Variants in ADARB2 observed in about 807,000 individuals in gnomAD.
The protein encoded by ADARB2 is adenosine deaminase RNA specific B2 (inactive), also known as inactive double-stranded RNA-specific editase B2.
A neutral mutation model predicts 62.2 loss-of-function variants in ADARB2; 25 were observed. The ratio of observed to expected loss-of-function variants is 0.40; its 90% CI spans 0.29 to 0.56. The LOEUF (loss-of-function observed/expected upper bound fraction) is 0.56. Among genes scored for constraint, ADARB2 ranks in the 20% least tolerant of loss-of-function variants. The pLI is 0.43. For missense variants in ADARB2, 1,071 were observed against 1,077.4 expected, an observed-to-expected ratio of 0.99 and a Z score of 0.08; for synonymous variants, 572 against 500.8, an observed-to-expected ratio of 1.14 and a Z score of -1.90.
At chr10:1,567,339 G>GCTC (rs1339632287) in intron 1 of ADARB2, among the ~76,000 whole-genome samples, 1 of 152,226 alleles carries the variant, frequency 6.6e-6, no homozygotes, top group Admixed American at 6.5e-5. Flanking sequence ...CGTGCTTTGA[G>GCTC]CTCGCAGGCG....
At chr10:1,327,462 C>T (rs1212720644) in intron 3 of ADARB2, among the ~76,000 whole-genome samples, 1 of 91,950 alleles carries the variant, frequency 1.1e-5, no homozygotes, top group Non-Finnish European at 2.3e-5. Context: ...CCAGCGCCTC[C>T]TCACTGCACA....
In ADARB2 at chr10:1,299,296, C is replaced by T. The variant is rs114459406; in HGVS notation, c.1078-28227G>A. Among the ~76,000 whole-genome samples the T allele has an allele frequency of 8.5e-3, 1,291 of 152,004 alleles. 7 individuals are homozygous for T. Among genetic ancestry groups the T allele is most frequent in the Non-Finnish European group, 0.011 (769 of 67,984 alleles). On this transcript the variant is annotated intron_variant, in intron 3 of 9. Coordinates refer to ENST00000381312, the MANE Select transcript of ADARB2 (RefSeq NM_018702.4). Reference sequence around the variant, plus strand: ...AGCCAGGAAGTGCAGAACCAGTGTGCGTAGAGTGTGAGGGGCACCTGCCTC... The same window carrying T: ...AGCCAGGAAGTGCAGAACCAGTGTGTGTAGAGTGTGAGGGGCACCTGCCTC...
chr10:1,716,874 G>A (rs941352051), intron 1 of ADARB2, among the ~76,000 whole-genome samples: 28 of 152,098 alleles, frequency 1.8e-4, no homozygotes, highest in Non-Finnish European at 7.4e-5. Context: ...CAAAATAACC[G>A]TAAAGTTTAC....
rs1239986685 is a variant in ADARB2, at chr10:1,560,570, G to A, written c.100+176481C>T. 1.2e-4 allele frequency among the ~76,000 whole-genome samples: 4 copies of A among 32,422 alleles called. 1 individual carries two copies. The highest frequency in any genetic ancestry group is 2.6e-4 in the African/African-American group (4 of 15,124). The allele number at this position is 32,422 out of a possible 152,430, so 21.3% of individuals were successfully genotyped here. A position where few individuals can be genotyped will look rare whatever the true frequency, so the allele number is the denominator to read the frequency against. On this transcript the variant is annotated intron_variant, in intron 1 of 9. Transcript: ENST00000381312. The stretch of plus-strand genomic sequence containing the variant: ...GGGCACCCTGGGTCGTCACACACGC[G>A]TGAACACACGGGGGGTGGGTTGGAT...
chr10:1,718,160 C>T (rs1280798804), intron 1 of ADARB2, among the ~76,000 whole-genome samples: 1 of 152,156 alleles, frequency 6.6e-6, no homozygotes, highest in Non-Finnish European at 1.5e-5. Context: ...GAAAACCTAA[C>T]ACACATCATA....
intron 3 of ADARB2, among the ~76,000 whole-genome samples, chr10:1,293,217 AGAGAGGGACGG>A: frequency 9.5e-6 from 1 of 105,610 alleles, no homozygotes; most frequent in Non-Finnish European, 1.9e-5. Flanking sequence ...GGAGGGAGGG[AGAGAGGGACGG>A]GGAGGGAGAG....
At chr10:1,584,241 A>C (rs1159976757) in intron 1 of ADARB2, among the ~76,000 whole-genome samples, 1 of 152,230 alleles carries the variant, frequency 6.6e-6, no homozygotes, top group Non-Finnish European at 1.5e-5. Context: ...TTAAAACTCA[A>C]CAATAGAAAA....
At chr10:1,216,878 T>A in intron 7 of ADARB2, 73 bp downstream of exon 7, 5 of 1,555,170 alleles carry the variant, frequency 3.2e-6, no homozygotes, top group Non-Finnish European at 4.3e-6. Context: ...AGAAGTGGGA[T>A]GCAGGGAGCC....
At chr10:1,270,204 T>C (rs1406493469) in intron 4 of ADARB2, among the ~76,000 whole-genome samples, 2 of 152,174 alleles carry the variant, frequency 1.3e-5, no homozygotes, top group African/African-American at 4.8e-5. Flanking sequence ...TTTTGTAACA[T>C]AAATATGTTT....
Position 1,363,599 on chromosome 10 carries a change from C to A in ADARB2, c.506G>T (p.Gly169Val). ...GGCCTTCTTCTTGGTGGGGCCTGTGCCCTCGAACGTGAGCCCGTTCACCTC... is the reference window on the plus strand; with the variant it reads ...GGCCTTCTTCTTGGTGGGGCCTGTGACCTCGAACGTGAGCCCGTTCACCTC... The part of the protein sequence containing the change: ...AVEVNGLTFE[G>V]TGPTKKKAKM... Residue 169 changes from glycine (G) to valine (V), a missense_variant, in exon 3 of 10, where the codon GGC becomes GTC. Physicochemically the swap from Gly to Val is moderately radical, Grantham distance 109. Transcript: ENST00000381312. The A allele has an allele frequency of 6.3e-7, 1 of 1,599,518 alleles. No homozygotes were observed. The highest frequency in any genetic ancestry group is 8.5e-7 in the Non-Finnish European group (1 of 1,173,208).
chr10:1,385,409 G>A (rs144636335), intron 1 of ADARB2, among the ~76,000 whole-genome samples: 9 of 152,216 alleles, frequency 5.9e-5, no homozygotes, highest in African/African-American at 1.9e-4. Flanking sequence ...GATATGATAA[G>A]TAAATAGATG....
At chr10:1,524,715 G>A (rs1482249065) in intron 1 of ADARB2, among the ~76,000 whole-genome samples, 1 of 152,108 alleles carries the variant, frequency 6.6e-6, no homozygotes, top group Non-Finnish European at 1.5e-5. Context: ...GGGGGGAGGT[G>A]GTAGGCAGGG....
chr10:1,216,610 G>A, intron 7 of ADARB2: 1 of 328,506 alleles, frequency 3.0e-6, no homozygotes, highest in South Asian at 3.8e-5. Flanking sequence ...CTTCTCGTTA[G>A]CCTATGGCCA....
At chr10:1,618,023 T>C (rs1320789826) in intron 1 of ADARB2, among the ~76,000 whole-genome samples, 1 of 152,250 alleles carries the variant, frequency 6.6e-6, no homozygotes, top group Non-Finnish European at 1.5e-5. Context: ...AGCTTCATCA[T>C]GCCCTTTAGT....
At chr10:1,545,878 A>C (rs1196542645) in intron 1 of ADARB2, among the ~76,000 whole-genome samples, 1 of 152,226 alleles carries the variant, frequency 6.6e-6, no homozygotes, top group Non-Finnish European at 1.5e-5. Context: ...CAGGGAGCAC[A>C]GATTTCAAAC....
intron 1 of ADARB2, among the ~76,000 whole-genome samples, chr10:1,610,271 G>C (rs1298931922): frequency 1.3e-5 from 2 of 152,100 alleles, no homozygotes; most frequent in African/African-American, 4.8e-5. Context: ...TCTGCACAAG[G>C]TGCTGGCTGG....
chr10:1,321,272 ATGT>A (rs1831792536), intron 3 of ADARB2, among the ~76,000 whole-genome samples: 1 of 152,208 alleles, frequency 6.6e-6, no homozygotes. Flanking sequence ...CAAGCCCATG[ATGT>A]TGTCCTCATC....
At chr10:1,473,154 T>C (rs1831349012) in intron 1 of ADARB2, among the ~76,000 whole-genome samples, 1 of 152,062 alleles carries the variant, frequency 6.6e-6, no homozygotes, top group East Asian at 1.9e-4. Flanking sequence ...GGAAGAGGCT[T>C]GGGCCTCTTC....
intron 4 of ADARB2, among the ~76,000 whole-genome samples, chr10:1,268,784 G>T (rs1477228324): frequency 6.6e-6 from 1 of 152,194 alleles, no homozygotes; most frequent in Non-Finnish European, 1.5e-5. Flanking sequence ...AATTAGTGAA[G>T]CTCTACCTTA....
Sources: gnomAD v4.1 joint callset for allele counts (sites outside exome capture counted in the v4.1 genomes callset) on GRCh38, gnomAD v4.1.1 for gene constraint, MANE v1.5 for transcripts, NCBI Gene and HGNC (gene_info 2026-07-23, HGNC 2026-07-21) for gene names.